The following LSAMP variants were observed in gnomAD, a reference collection of about 807,000 sequenced individuals.
The protein encoded by LSAMP is limbic system associated membrane protein, also known as limbic system-associated membrane protein.
Under a neutral mutation model 38.6 loss-of-function variants are expected in LSAMP, and 7 were observed. The ratio of observed to expected loss-of-function variants is 0.18; its 90% CI spans 0.10 to 0.34. The LOEUF is 0.34. LSAMP is among the 10% of genes least tolerant of loss of function. The pLI, the probability that LSAMP is intolerant of heterozygous loss-of-function variation, is 1.00. For missense variants in LSAMP, 313 were observed against 420.0 expected, an observed-to-expected ratio of 0.75 and a Z score of 2.23; for synonymous variants, 154 against 166.8, an observed-to-expected ratio of 0.92 and a Z score of 0.59.
chr3:115,965,487 T>G (rs143793946), intron 3 of LSAMP, among the ~76,000 whole-genome samples: 1 of 151,942 alleles, frequency 6.6e-6, no homozygotes, highest in African/African-American at 2.4e-5. Flanking sequence ...ACAAAAAGTT[T>G]AAGTCATAAT....
At chr3:116,004,510 GTA>G (rs557334055) in intron 3 of LSAMP, among the ~76,000 whole-genome samples, 15 of 130,282 alleles carry the variant, frequency 1.2e-4, no homozygotes, top group Non-Finnish European at 2.1e-4. Flanking sequence ...ATGTGTGTGT[GTA>G]TATATATGTG....
intron 3 of LSAMP, among the ~76,000 whole-genome samples, chr3:115,935,054 A>C (rs571970595): frequency 3.3e-4 from 50 of 152,194 alleles, no homozygotes; most frequent in South Asian, 3.1e-3. Flanking sequence ...AAAAACAAAA[A>C]CAAAAAACAA....
At chr3:115,915,050 C>A (rs1389014729) in intron 3 of LSAMP, among the ~76,000 whole-genome samples, 1 of 152,212 alleles carries the variant, frequency 6.6e-6, no homozygotes, top group Non-Finnish European at 1.5e-5. Context: ...AGGCTGGCAT[C>A]TTGCTGCGAT....
At chr3:116,237,554 A>G (rs1288495755) in intron 1 of LSAMP, among the ~76,000 whole-genome samples, 2 of 152,238 alleles carry the variant, frequency 1.3e-5, no homozygotes, top group African/African-American at 4.8e-5. Flanking sequence ...ACAATAATAC[A>G]GAGATACTGT....
chr3:116,254,157 C>T (rs1044437202), intron 1 of LSAMP, among the ~76,000 whole-genome samples: 1 of 152,008 alleles, frequency 6.6e-6, no homozygotes, highest in Non-Finnish European at 1.5e-5. Flanking sequence ...ACTTCTTGTA[C>T]CATCCAACAC....
At chr3:116,077,772 C>A (rs1707778743) in intron 2 of LSAMP, among the ~76,000 whole-genome samples, 1 of 152,202 alleles carries the variant, frequency 6.6e-6, no homozygotes, top group Non-Finnish European at 1.5e-5. Context: ...GTTGTCATTT[C>A]TCTCTTATCT....
chr3:116,354,087 G>A (rs1008793510), intron 1 of LSAMP, among the ~76,000 whole-genome samples: 1 of 152,048 alleles, frequency 6.6e-6, no homozygotes, highest in Non-Finnish European at 1.5e-5. Context: ...GTCACTTAAT[G>A]CCAACATGGA....
intron 2 of LSAMP, among the ~76,000 whole-genome samples, chr3:116,051,945 C>A (rs1174386648): frequency 6.6e-6 from 1 of 152,072 alleles, no homozygotes; most frequent in African/African-American, 2.4e-5. Context: ...TTCTTTGTAT[C>A]CTGTATTATT....
intron 2 of LSAMP, among the ~76,000 whole-genome samples, chr3:116,051,952 T>G (rs537890512): frequency 6.6e-6 from 1 of 152,328 alleles, no homozygotes; most frequent in East Asian, 1.9e-4. Flanking sequence ...TATCCTGTAT[T>G]ATTCTTTAAA....
intron 6 of LSAMP, among the ~76,000 whole-genome samples, chr3:115,836,695 G>T (rs1185788397): frequency 6.7e-6 from 1 of 150,230 alleles, no homozygotes; most frequent in Non-Finnish European, 1.5e-5. Context: ...TGTATCCACA[G>T]AGCCCATTTA....
At chr3:116,315,152 A>G (rs1266549689) in intron 1 of LSAMP, among the ~76,000 whole-genome samples, 9 of 152,070 alleles carry the variant, frequency 5.9e-5, no homozygotes, top group Non-Finnish European at 1.5e-5. Context: ...TGCTTATTCT[A>G]TCCCCTCCAC....
intron 1 of LSAMP, among the ~76,000 whole-genome samples, chr3:116,123,217 C>G (rs1159222516): frequency 6.6e-6 from 1 of 152,166 alleles, no homozygotes; most frequent in Non-Finnish European, 1.5e-5. Flanking sequence ...TGCCTGCTGC[C>G]TTCTCATCTG....
chr3:115,849,908 A>G (rs1344154548), intron 4 of LSAMP, among the ~76,000 whole-genome samples: 2 of 152,186 alleles, frequency 1.3e-5, no homozygotes, highest in Non-Finnish European at 2.9e-5. Flanking sequence ...AATTTGGAGA[A>G]ATGTTGAGGG....
chr3:116,310,685 C>A (rs1293189642), intron 1 of LSAMP, among the ~76,000 whole-genome samples: 2 of 152,054 alleles, frequency 1.3e-5, no homozygotes, highest in Admixed American at 1.3e-4. Context: ...AGAAAAATTT[C>A]TCAAGGCAAT....
chr3:116,434,301 G>A (rs2049318694), intron 1 of LSAMP, among the ~76,000 whole-genome samples: 1 of 152,112 alleles, frequency 6.6e-6, no homozygotes, highest in South Asian at 2.1e-4. Context: ...AGCATCCACG[G>A]GTACTGAGCT....
intron 1 of LSAMP, among the ~76,000 whole-genome samples, chr3:116,354,280 G>A (rs186066469): frequency 6.6e-6 from 1 of 152,214 alleles, no homozygotes; most frequent in African/African-American, 2.4e-5. Context: ...GTATTCCCAA[G>A]GTCAGACACT....
At chr3:116,314,918 T>C (rs913335276) in intron 1 of LSAMP, among the ~76,000 whole-genome samples, 1 of 152,188 alleles carries the variant, frequency 6.6e-6, no homozygotes, top group African/African-American at 2.4e-5. Context: ...TAAACAATGA[T>C]AATGTTTAAG....
At chr3:116,434,553 G>C (rs2049322087) in intron 1 of LSAMP, among the ~76,000 whole-genome samples, 1 of 152,098 alleles carries the variant, frequency 6.6e-6, no homozygotes, top group African/African-American at 2.4e-5. Flanking sequence ...AAAGATGTTT[G>C]GTGGAGTGAG....
intron 3 of LSAMP, among the ~76,000 whole-genome samples, chr3:115,959,486 A>G (rs1938558615): frequency 6.6e-6 from 1 of 152,234 alleles, no homozygotes; most frequent in South Asian, 2.1e-4. Context: ...AGGATTTTAT[A>G]ACTGAAAGAC....
Sources: gnomAD v4.1 joint callset for allele counts (sites outside exome capture counted in the v4.1 genomes callset) on GRCh38, gnomAD v4.1.1 for gene constraint, MANE v1.5 for transcripts, NCBI Gene and HGNC (gene_info 2026-07-23, HGNC 2026-07-21) for gene names.